ERBB4: variants seen among roughly 807,000 people sequenced by gnomAD.
ERBB4 encodes the protein erb-b2 receptor tyrosine kinase 4.
A neutral mutation model predicts 158.0 loss-of-function variants in ERBB4; 42 were observed. That is an observed-to-expected ratio of 0.27 (90% CI 0.21 to 0.34). The LOEUF is 0.34. Ranked by LOEUF, ERBB4 falls within the 10% of genes least tolerant of loss-of-function variation. The pLI is 1.00. For missense variants in ERBB4, 1,333 were observed against 1,624.1 expected (o/e 0.82, Z 3.08); for synonymous variants, 583 against 558.7 (o/e 1.04, Z -0.61).
At chr2:212,521,590 A>G (rs1692170674) in intron 1 of ERBB4, among the ~76,000 whole-genome samples, 1 of 151,898 alleles carries the variant, frequency 6.6e-6, no homozygotes, top group East Asian at 1.9e-4. Flanking sequence ...CTACTACTAT[A>G]GCATACAAAA....
intron 20 of ERBB4, among the ~76,000 whole-genome samples, chr2:211,451,945 A>G (rs1311305265): frequency 1.3e-5 from 2 of 152,282 alleles, no homozygotes; most frequent in African/African-American, 2.4e-5. Flanking sequence ...GTAAACTTCT[A>G]TTAAACTTGG....
chr2:211,832,549 CAATT>C (rs1341694139), intron 3 of ERBB4, among the ~76,000 whole-genome samples: 6 of 150,400 alleles, frequency 4.0e-5, no homozygotes, highest in Non-Finnish European at 8.9e-5. Context: ...CTTGAAATAA[CAATT>C]AAATAAATAT....
At chr2:212,245,280 G>C (rs1310633302) in intron 1 of ERBB4, among the ~76,000 whole-genome samples, 1 of 152,138 alleles carries the variant, frequency 6.6e-6, no homozygotes, top group Non-Finnish European at 1.5e-5. Context: ...GAATGTGGAT[G>C]TATATGTGCC....
chr2:211,759,576 C>G (rs1017875237), intron 4 of ERBB4, among the ~76,000 whole-genome samples: 1 of 152,132 alleles, frequency 6.6e-6, no homozygotes, highest in East Asian at 1.9e-4. Flanking sequence ...TCCTCTTCCT[C>G]TCCTCCTCTA....
chr2:211,690,123 A>G (rs943200342), intron 12 of ERBB4, among the ~76,000 whole-genome samples: 1 of 150,534 alleles, frequency 6.6e-6, no homozygotes, highest in African/African-American at 2.4e-5. Flanking sequence ...AAGTTAATAT[A>G]GAATATAGCA....
intron 1 of ERBB4, among the ~76,000 whole-genome samples, chr2:212,392,680 C>T (rs1159161648): frequency 6.6e-6 from 1 of 152,044 alleles, no homozygotes; most frequent in Non-Finnish European, 1.5e-5. Context: ...CCTTTAAGAC[C>T]CAGCTCAAAT....
At chr2:211,467,896 C>T (rs1223658796) in intron 20 of ERBB4, among the ~76,000 whole-genome samples, 1 of 152,076 alleles carries the variant, frequency 6.6e-6, no homozygotes, top group Non-Finnish European at 1.5e-5. Flanking sequence ...GAAATTGGGC[C>T]AATCTGACTT....
chr2:211,901,959 A>G (rs568539995), intron 3 of ERBB4, among the ~76,000 whole-genome samples: 2 of 152,256 alleles, frequency 1.3e-5, no homozygotes, highest in Admixed American at 1.3e-4. Context: ...GTTATAAATT[A>G]TGTACCACTT....
intron 20 of ERBB4, among the ~76,000 whole-genome samples, chr2:211,525,690 T>A (rs114362157): frequency 2.3e-3 from 356 of 152,192 alleles, no homozygotes; most frequent in African/African-American, 8.0e-3. Flanking sequence ...TTTCTGGACT[T>A]TCCCTGGGCC....
chr2:211,846,126 T>G (rs967216723), intron 3 of ERBB4, among the ~76,000 whole-genome samples: 14 of 151,828 alleles, frequency 9.2e-5, no homozygotes, highest in Non-Finnish European at 1.9e-4. Context: ...CCTAGGGCAT[T>G]TCCCTCTAGC....
At chr2:211,740,357 G>A (rs984092291) in intron 5 of ERBB4, among the ~76,000 whole-genome samples, 1 of 151,944 alleles carries the variant, frequency 6.6e-6, no homozygotes, top group Non-Finnish European at 1.5e-5. Context: ...AGTGCCCATG[G>A]TAATGGAGAG....
In ERBB4 at chr2:212,204,709, C is replaced by A. The variant is rs373676765; in HGVS notation, c.83-79806G>T. On this transcript the variant is annotated intron_variant, in intron 1 of 27. Coordinates refer to ENST00000342788, the MANE Select transcript of ERBB4 (RefSeq NM_005235.3). ...GAGACTCTGTCCCCCACAAAAAAAACAAAAAAAAAAACAGTATTTATGATT... is the reference window on the plus strand; with the variant it reads ...GAGACTCTGTCCCCCACAAAAAAAAAAAAAAAAAAAACAGTATTTATGATT... 6.9e-3 allele frequency among the ~76,000 whole-genome samples: 885 copies of A among 127,856 alleles called. 7 individuals are homozygous for A. Among genetic ancestry groups the A allele is most frequent in the African/African-American group, 0.018 (639 of 34,974 alleles). 83.9% of individuals were successfully genotyped at this position (127,856 alleles called of 152,430 possible). A position where few individuals can be genotyped will look rare whatever the true frequency, so the allele number is the denominator to read the frequency against.
In ERBB4 at chr2:211,704,168, G is replaced by C. The variant is rs745926169; in HGVS notation, c.1225C>G (p.Pro409Ala). Residue 409 changes from proline (P) to alanine (A), a missense_variant, in exon 11 of 28, where the codon CCA becomes GCA. By Grantham distance (27) the Pro-to-Ala change is conservative. This residue lies in a region of ERBB4 where 438 missense variants were observed against 586.9 expected (regional missense o/e 0.75). Transcript: ENST00000342788. Reference protein sequence around the residue: ...TGFLNIQSWPPNMTDFSVFSN... With the variant: ...TGFLNIQSWPANMTDFSVFSN... Reference sequence around the variant, plus strand: ...AAAACACTGAAGTCAGTCATGTTTGGTGGCCATGACTGTATGTTCAGGAAA... The same window carrying C: ...AAAACACTGAAGTCAGTCATGTTTGCTGGCCATGACTGTATGTTCAGGAAA... 1.1e-5 allele frequency: 17 copies of C among 1,612,266 alleles called. No individual in the cohort carries two copies. The highest frequency in any genetic ancestry group is 1.4e-5 in the Non-Finnish European group (17 of 1,178,316).
At chr2:212,374,387 G>A (rs1174686307) in intron 1 of ERBB4, among the ~76,000 whole-genome samples, 2 of 151,764 alleles carry the variant, frequency 1.3e-5, no homozygotes, top group Non-Finnish European at 2.9e-5. Flanking sequence ...TTATAGTATA[G>A]CAACAATAAC....
chr2:211,422,193 G>A (rs1445868824), intron 23 of ERBB4, 89 bp from the exon 24 acceptor site: 1 of 750,716 alleles, frequency 1.3e-6, no homozygotes, highest in Non-Finnish European at 2.3e-6. Context: ...GCAAAAGTTT[G>A]AAAAATGTTG....
intron 3 of ERBB4, among the ~76,000 whole-genome samples, chr2:211,947,215 T>C (rs747361380): frequency 3.9e-5 from 6 of 152,152 alleles, no homozygotes; most frequent in African/African-American, 1.4e-4. Context: ...TCAGCTGAGA[T>C]ACAGTATTAT....
chr2:212,123,137 C>T (rs1293892306), intron 2 of ERBB4, among the ~76,000 whole-genome samples: 1 of 152,140 alleles, frequency 6.6e-6, no homozygotes, highest in Non-Finnish European at 1.5e-5. Flanking sequence ...CGCGGTGGCT[C>T]ACGCCTGTAA....
At chr2:211,423,809 T>C (rs2063562912) in intron 23 of ERBB4, among the ~76,000 whole-genome samples, 1 of 151,626 alleles carries the variant, frequency 6.6e-6, no homozygotes, top group Non-Finnish European at 1.5e-5. Context: ...TAAAGGTCAC[T>C]AATGTTTGAT....
chr2:212,306,801 G>A (rs1050049686), intron 1 of ERBB4, among the ~76,000 whole-genome samples: 1 of 151,006 alleles, frequency 6.6e-6, no homozygotes, highest in Admixed American at 6.6e-5. Flanking sequence ...ATTATGAAGA[G>A]TTACTTACAA....
Sources: gnomAD v4.1 joint callset for allele counts (sites outside exome capture counted in the v4.1 genomes callset) on GRCh38, gnomAD v4.1.1 for gene constraint, gnomAD v4.1.1 regional missense constraint, MANE v1.5 for transcripts, NCBI Gene and HGNC (gene_info 2026-07-23, HGNC 2026-07-21) for gene names.